Variants in SORCS2 observed in about 807,000 individuals in gnomAD.
The protein encoded by SORCS2 is sortilin related VPS10 domain containing receptor 2.
A neutral mutation model predicts 141.6 loss-of-function variants in SORCS2; 100 were observed. That is an observed-to-expected ratio of 0.71 (90% CI 0.60 to 0.83). The LOEUF (loss-of-function observed/expected upper bound fraction) is 0.83, where lower values mean the gene tolerates loss of function less well. Ranked by LOEUF, SORCS2 falls within the 40% of genes least tolerant of loss-of-function variation. SORCS2 has a pLI of 0.00. For synonymous variants in SORCS2, 789 were observed against 676.9 expected (o/e 1.17, Z -2.57); for missense variants, 1,646 against 1,560.2 (o/e 1.05, Z -0.93).
At chr4:7,511,583 G>C (rs1732656640) in intron 2 of SORCS2, among the ~76,000 whole-genome samples, 1 of 152,114 alleles carries the variant, frequency 6.6e-6, no homozygotes. Context: ...CCTGGGGTGG[G>C]GGCAGAGAGA....
At chr4:7,643,108 T>G (rs1287499794) in intron 4 of SORCS2, among the ~76,000 whole-genome samples, 1 of 152,166 alleles carries the variant, frequency 6.6e-6, no homozygotes, top group African/African-American at 2.4e-5. Flanking sequence ...CCACCTACCC[T>G]CAGACTGCCC....
In SORCS2 at chr4:7,352,727, C is replaced by G. The variant is rs78406712; in HGVS notation, c.481-43561C>G. ...AGCCTCACACCTGCTGCAGCTGGAA[C>G]GGCAGGAAGGTGGGGAGTCTTTGAA... On this transcript the variant is annotated intron_variant, in intron 1 of 26. Coordinates refer to ENST00000507866, the MANE Select transcript of SORCS2 (RefSeq NM_020777.3). 2.4e-3 allele frequency among the ~76,000 whole-genome samples: 358 copies of G among 152,254 alleles called. 4 individuals carry two copies. In the Middle Eastern group the frequency reaches 0.031, roughly 13 times the overall value.
intron 2 of SORCS2, among the ~76,000 whole-genome samples, chr4:7,445,765 C>T (rs1704210072): frequency 6.6e-6 from 1 of 152,162 alleles, no homozygotes; most frequent in East Asian, 1.9e-4. Flanking sequence ...ACCCAACCCT[C>T]CTGGGTTGCT....
intron 1 of SORCS2, among the ~76,000 whole-genome samples, chr4:7,356,736 C>A (rs974135491): frequency 1.3e-5 from 2 of 152,236 alleles, no homozygotes; most frequent in Admixed American, 1.3e-4. Flanking sequence ...TAAGTGCAGG[C>A]CTGGCTGTCC....
chr4:7,664,294 G>A lies in SORCS2; in HGVS notation c.953-59G>A, dbSNP rs560599265. On this transcript the variant is annotated intron_variant, in intron 6 of 26. Coordinates refer to ENST00000507866, the MANE Select transcript of SORCS2 (RefSeq NM_020777.3). The surrounding 1 kb of genome is among the most constrained non-coding windows in gnomAD (Gnocchi z 4.7). ...GAAGATGGAGTCCAGCACATGTCTC[G>A]GGCCGTCTCTGGCTCCGGCTGGAGT... is the stretch of plus-strand genomic sequence containing the variant. The A allele has an allele frequency of 1.1e-4, 153 of 1,402,752 alleles. 1 individual carries two copies. Among genetic ancestry groups the A allele is most frequent in the Admixed American group, 2.8e-4 (15 of 54,508 alleles). The allele number at this position is 1,402,752 out of a possible 1,614,324, so 86.9% of individuals were successfully genotyped here. A position where few individuals can be genotyped will look rare whatever the true frequency, so the allele number is the denominator to read the frequency against.
intron 3 of SORCS2, among the ~76,000 whole-genome samples, chr4:7,566,465 A>T (rs536450873): frequency 2.0e-5 from 3 of 152,252 alleles, no homozygotes; most frequent in Non-Finnish European, 4.4e-5. Context: ...TGGATGCCAC[A>T]TAACATTCTT....
chr4:7,548,794 C>T (rs547590483), intron 3 of SORCS2, among the ~76,000 whole-genome samples: 30 of 152,310 alleles, frequency 2.0e-4, no homozygotes. Flanking sequence ...TTTCAGCTGC[C>T]ATTTTTCACC....
chr4:7,719,916 T>C (rs1203622608), intron 18 of SORCS2, among the ~76,000 whole-genome samples: 1 of 151,990 alleles, frequency 6.6e-6, no homozygotes, highest in Non-Finnish European at 1.5e-5. Flanking sequence ...ATGCTCTTGG[T>C]GGGGAGAGTC....
At chr4:7,540,168 GCCCCT>G in intron 3 of SORCS2, among the ~76,000 whole-genome samples, 1 of 1,614 alleles carries the variant, frequency 6.2e-4, no homozygotes, top group African/African-American at 8.0e-4. Flanking sequence ...GCCTCTCCCT[GCCCCT>G]CCCTGCCCCT....
chr4:7,505,509 C>A (rs1732224047), intron 2 of SORCS2, among the ~76,000 whole-genome samples: 1 of 152,134 alleles, frequency 6.6e-6, no homozygotes, highest in Non-Finnish European at 1.5e-5. Flanking sequence ...TCTGGGGGTC[C>A]CCCAGTGAGT....
intron 3 of SORCS2, among the ~76,000 whole-genome samples, chr4:7,563,451 C>T (rs952262148): frequency 6.6e-6 from 1 of 152,114 alleles, no homozygotes; most frequent in Non-Finnish European, 1.5e-5. Flanking sequence ...CCAGAATTTC[C>T]CACATTCGCA....
intron 4 of SORCS2, among the ~76,000 whole-genome samples, chr4:7,646,717 G>A (rs1221329549): frequency 6.6e-6 from 1 of 152,192 alleles, no homozygotes; most frequent in South Asian, 2.1e-4. Flanking sequence ...GCCGAGGAGG[G>A]AGAAACCAAC....
chr4:7,527,714 C>T (rs1220330062), intron 2 of SORCS2, among the ~76,000 whole-genome samples: 6 of 152,286 alleles, frequency 3.9e-5, no homozygotes, highest in Non-Finnish European at 5.9e-5. Context: ...AGTCAGCCTG[C>T]CAGTGTTTGT....
chr4:7,670,220 C>CCGT (rs566093652), intron 8 of SORCS2, among the ~76,000 whole-genome samples: 16 of 152,168 alleles, frequency 1.1e-4, no homozygotes, highest in Non-Finnish European at 2.4e-4. Flanking sequence ...ATAAATGATA[C>CCGT]CGTCCTGCTG....
chr4:7,618,923 C>A (rs1319319747), intron 3 of SORCS2, among the ~76,000 whole-genome samples: 1 of 152,174 alleles, frequency 6.6e-6, no homozygotes, highest in Non-Finnish European at 1.5e-5. Context: ...GCCATCCATG[C>A]CTGTGTGCAC....
intron 12 of SORCS2, among the ~76,000 whole-genome samples, chr4:7,700,761 A>G (rs960205105): frequency 2.5e-4 from 38 of 152,056 alleles, no homozygotes; most frequent in African/African-American, 8.4e-4. Flanking sequence ...GCATTGGGGG[A>G]CATCTGGGGA....
At chr4:7,425,894 G>A (rs1052858688) in intron 2 of SORCS2, among the ~76,000 whole-genome samples, 7 of 152,324 alleles carry the variant, frequency 4.6e-5, no homozygotes, top group Admixed American at 1.3e-4. Flanking sequence ...GGGCCCTGGC[G>A]CTCTCTGAGC....
chr4:7,298,409 G>A (rs1717216743), intron 1 of SORCS2, among the ~76,000 whole-genome samples: 1 of 152,180 alleles, frequency 6.6e-6, no homozygotes, highest in South Asian at 2.1e-4. Flanking sequence ...AGGCCAGGAT[G>A]CCCTGACATA....
At chr4:7,604,410 C>T (rs546715488) in intron 3 of SORCS2, among the ~76,000 whole-genome samples, 16 of 152,318 alleles carry the variant, frequency 1.1e-4, no homozygotes, top group Non-Finnish European at 1.6e-4. Context: ...CTCCGCCTCC[C>T]GGGTTTATGC....
Sources: gnomAD v4.1 joint callset for allele counts (sites outside exome capture counted in the v4.1 genomes callset) on GRCh38, gnomAD v4.1.1 for gene constraint, Gnocchi (gnomAD v3.1) non-coding constraint, MANE v1.5 for transcripts, NCBI Gene and HGNC (gene_info 2026-07-23, HGNC 2026-07-21) for gene names.